Variants in ADAMTS18 observed in about 807,000 individuals in gnomAD.
The protein encoded by ADAMTS18 is ADAM metallopeptidase with thrombospondin type 1 motif 18.
A neutral mutation model predicts 165.9 loss-of-function variants in ADAMTS18; 157 were observed. The observed-to-expected ratio is 0.95, with a 90% CI of 0.83 to 1.08. ADAMTS18 has a LOEUF of 1.08. ADAMTS18 is among the 50% of genes least tolerant of loss of function. The pLI is 0.00. For missense variants in ADAMTS18, 2,040 were observed against 1,534.0 expected (o/e 1.33, Z -5.51); for synonymous variants, 782 against 578.2 (o/e 1.35, Z -5.06).
intron 3 of ADAMTS18, among the ~76,000 whole-genome samples, chr16:77,387,639 G>A (rs531160542): frequency 3.3e-5 from 5 of 152,232 alleles, no homozygotes; most frequent in Admixed American, 6.5e-5. Flanking sequence ...TACAAGCTGC[G>A]TATCAGTGGC....
intron 3 of ADAMTS18, among the ~76,000 whole-genome samples, chr16:77,379,594 T>G (rs1270937475): frequency 6.6e-6 from 1 of 152,168 alleles, no homozygotes; most frequent in Non-Finnish European, 1.5e-5. Flanking sequence ...GTTCAAGCGA[T>G]TCTCCCACCT....
intron 3 of ADAMTS18, among the ~76,000 whole-genome samples, chr16:77,394,874 C>T (rs772064087): frequency 2.6e-5 from 4 of 152,162 alleles, no homozygotes; most frequent in Non-Finnish European, 5.9e-5. Context: ...GCCAACTGGG[C>T]CATCCTCACT....
intron 3 of ADAMTS18, chr16:77,378,811 C>G (rs987047434): frequency 6.6e-6 from 1 of 152,114 alleles, no homozygotes; most frequent in East Asian, 1.9e-4. Flanking sequence ...ATGATTATTA[C>G]ATTTGACTAT....
At chr16:77,293,821 C>G (rs944798460) in intron 19 of ADAMTS18, among the ~76,000 whole-genome samples, 2 of 150,292 alleles carry the variant, frequency 1.3e-5, no homozygotes, top group Non-Finnish European at 1.5e-5. Flanking sequence ...GAGAACCTAA[C>G]GCTGCCACTG....
intron 22 of ADAMTS18, among the ~76,000 whole-genome samples, chr16:77,285,913 C>T (rs769355162): frequency 1.3e-5 from 2 of 152,160 alleles, no homozygotes; most frequent in Non-Finnish European, 2.9e-5. Context: ...TTGTTCTACT[C>T]GAGACAACCT....
chr16:77,300,390 G>T lies in ADAMTS18; in HGVS notation c.2547C>A (p.Gly849=). The T allele has an allele frequency of 6.2e-7, 1 of 1,613,956 alleles. No homozygotes were observed. Among genetic ancestry groups the T allele is most frequent in the Non-Finnish European group, 8.5e-7 (1 of 1,179,956 alleles). ...ACTTCCAAGCTATCCCTGGATTTTT[G>T]CCTTGCATCAGAATCTGGACAGTGT... ...ETLVFEILMQ[G]KNPGIAWKYA... Residue 849 remains glycine, a synonymous_variant, in exon 17 of 23, where the codon GGC becomes GGA. Transcript: ENST00000282849.
intron 16 of ADAMTS18, among the ~76,000 whole-genome samples, chr16:77,314,318 A>G (rs1427275806): frequency 1.3e-5 from 2 of 152,052 alleles, no homozygotes; most frequent in Non-Finnish European, 2.9e-5. Context: ...CTCCATTTTA[A>G]TATTATACAT....
chr16:77,363,037 G>A (rs531680224), intron 6 of ADAMTS18, among the ~76,000 whole-genome samples: 9 of 152,272 alleles, frequency 5.9e-5, no homozygotes, highest in African/African-American at 2.2e-4. Context: ...TGTCTTGTCT[G>A]TGTCTTCCTG....
In ADAMTS18 at chr16:77,335,789, A is replaced by T; in HGVS notation, c.1826T>A (p.Val609Asp). The change falls in exon 12 of 23, where the codon GTC becomes GAC. Residue 609 changes from valine to aspartate, a missense_variant. By Grantham distance (152) the Val-to-Asp change is radical. Coordinates refer to ENST00000282849, the MANE Select transcript of ADAMTS18 (RefSeq NM_199355.4). The stretch of plus-strand genomic sequence containing the variant: ...ATTGCAGTGTCTCTCCTGGAACTTG[A>T]CTCCTCCACCACATGTCCGGGAACA... ...SECSRTCGGG[V>D]KFQERHCNNP... The T allele has an allele frequency of 6.2e-7, 1 of 1,614,060 alleles. No homozygotes were observed. Among genetic ancestry groups the T allele is most frequent in the Non-Finnish European group, 8.5e-7 (1 of 1,180,008 alleles).
chr16:77,292,788 G>T (rs2055388612), intron 20 of ADAMTS18, among the ~76,000 whole-genome samples: 1 of 152,144 alleles, frequency 6.6e-6, no homozygotes, highest in Non-Finnish European at 1.5e-5. Context: ...CTAGATGCTA[G>T]CAGGTCAGCT....
At chr16:77,332,965 A>T (rs2056214757) in intron 12 of ADAMTS18, among the ~76,000 whole-genome samples, 1 of 152,198 alleles carries the variant, frequency 6.6e-6, no homozygotes. Context: ...GTTGATGTAC[A>T]TTCCTGCAAG....
chr16:77,353,944 C>T (rs769222167), intron 9 of ADAMTS18, 58 bp from the exon 10 acceptor site: 104 of 1,600,480 alleles, frequency 6.5e-5, no homozygotes, highest in Non-Finnish European at 8.2e-5. Context: ...TTTCCATTTA[C>T]GACAACACAC....
At chr16:77,419,428 T>A (rs2162954) in intron 3 of ADAMTS18, among the ~76,000 whole-genome samples, 89,846 of 151,960 alleles carry the variant, frequency 0.59, 27,649 homozygotes, top group Middle Eastern at 0.73. Flanking sequence ...GTGCCTTGTG[T>A]CATGGCCTCT....
At chr16:77,306,311 G>A (rs1029140671) in intron 16 of ADAMTS18, among the ~76,000 whole-genome samples, 1 of 152,170 alleles carries the variant, frequency 6.6e-6, no homozygotes, top group African/African-American at 2.4e-5. Context: ...ACCGCAGGGT[G>A]CAGAGTTATA....
intron 18 of ADAMTS18, among the ~76,000 whole-genome samples, chr16:77,296,841 A>AT (rs1476437515): frequency 6.6e-6 from 1 of 152,186 alleles, no homozygotes; most frequent in Non-Finnish European, 1.5e-5. Flanking sequence ...CCAAAAAAAA[A>AT]GAGGTCTTCA....
chr16:77,354,008 A>G (rs1406172554), intron 9 of ADAMTS18, 122 bp from the exon 10 acceptor site: 3 of 1,218,518 alleles, frequency 2.5e-6, no homozygotes, highest in East Asian at 2.3e-5. Flanking sequence ...AAACAGGTAT[A>G]TGTTTAAAGT....
In ADAMTS18 at chr16:77,422,540, G is replaced by GAA. The variant is rs59113433; in HGVS notation, c.495+8753_495+8754dup. Among the ~76,000 whole-genome samples, 41 of 142,102 alleles carry GAA rather than the reference G, an allele frequency of 2.9e-4. 1 individual carries two copies. Among genetic ancestry groups the GAA allele is most frequent in the African/African-American group, 9.4e-4 (36 of 38,108 alleles). The allele number at this position is 142,102 out of a possible 152,430, so 93.2% of individuals were successfully genotyped here. ...GGGGAGGGAGGGAAGAGAGGAGAGT[G>GAA]AAAAAAAAAGAGGAAGGAAGGGAGG... On this transcript the variant is annotated intron_variant, in intron 3 of 22. Coordinates refer to ENST00000282849, the MANE Select transcript of ADAMTS18 (RefSeq NM_199355.4).
At chr16:77,353,141 T>C (rs1361158775) in intron 10 of ADAMTS18, among the ~76,000 whole-genome samples, 1 of 152,310 alleles carries the variant, frequency 6.6e-6, no homozygotes, top group Non-Finnish European at 1.5e-5. Flanking sequence ...GAGATTGTAA[T>C]ACTGTCAGTA....
intron 3 of ADAMTS18, among the ~76,000 whole-genome samples, chr16:77,375,450 G>A (rs918065555): frequency 1.1e-4 from 16 of 152,260 alleles, no homozygotes; most frequent in African/African-American, 1.2e-4. Flanking sequence ...AGGGGTGAGA[G>A]GAGCGGGGAA....
Sources: gnomAD v4.1 joint callset for allele counts (sites outside exome capture counted in the v4.1 genomes callset) on GRCh38, gnomAD v4.1.1 for gene constraint, MANE v1.5 for transcripts, NCBI Gene and HGNC (gene_info 2026-07-23, HGNC 2026-07-21) for gene names.